OCA2: variants seen among roughly 807,000 people sequenced by gnomAD.
OCA2 encodes P protein.
Under a neutral mutation model 100.2 loss-of-function variants are expected in OCA2, and 77 were observed. The observed-to-expected ratio is 0.77, with a 90% CI of 0.64 to 0.93. The LOEUF is 0.93. Among genes scored for constraint, OCA2 ranks in the 40% least tolerant of loss-of-function variants. The pLI is 0.00. For missense variants in OCA2, 1,062 were observed against 1,089.1 expected (o/e 0.98, Z 0.35); for synonymous variants, 432 against 439.2 (o/e 0.98, Z 0.21).
chr15:27,983,589 G>GCA (rs376447821), intron 13 of OCA2, 106 bp from the exon 14 acceptor site: 413 of 1,126,658 alleles, frequency 3.7e-4, no homozygotes, highest in Middle Eastern at 2.9e-3. Flanking sequence ...AGGGAGGCGC[G>GCA]CACACACACA....
the OCA2 span, among the ~76,000 whole-genome samples, chr15:27,724,496 A>G: frequency 6.6e-6 from 1 of 152,084 alleles, no homozygotes; most frequent in Non-Finnish European, 1.5e-5. Flanking sequence ...CCCTATCTCC[A>G]AATACTGTCC....
rs4778241 is a variant in OCA2, at chr15:28,093,567, A to C, written c.-22+5657T>G. ...TTTGACAGTTTTTAAAAAAAAACTA[A>C]AATTGCAACTACCAGCCAACAATTG... On this transcript the variant is annotated intron_variant, in intron 1 of 23. Coordinates refer to ENST00000354638, the MANE Select transcript of OCA2 (RefSeq NM_000275.3). 0.68 allele frequency among the ~76,000 whole-genome samples: 103,100 copies of C among 151,978 alleles called. 37,383 individuals carry two copies. Among genetic ancestry groups the C allele is most frequent in the Non-Finnish European group, 0.83 (56,129 of 67,978 alleles).
At chr15:28,034,627 T>A (rs2042995958) in intron 2 of OCA2, among the ~76,000 whole-genome samples, 1 of 151,992 alleles carries the variant, frequency 6.6e-6, no homozygotes, top group African/African-American at 2.4e-5. Flanking sequence ...ATTCAAAAAT[T>A]AGCCGGGTGT....
chr15:27,774,059 A>G (rs751965804), intron 23 of OCA2, among the ~76,000 whole-genome samples: 1 of 152,140 alleles, frequency 6.6e-6, no homozygotes, highest in African/African-American at 2.4e-5. Flanking sequence ...ATTTTCTTCA[A>G]CTATGTTTTG....
At chr15:27,943,713 A>G (rs1404257149) in intron 18 of OCA2, among the ~76,000 whole-genome samples, 2 of 150,114 alleles carry the variant, frequency 1.3e-5, no homozygotes, top group Admixed American at 6.6e-5. Context: ...GCAACCCCAT[A>G]TCTTAACCCA....
At chr15:27,734,709 C>A in the OCA2 span, among the ~76,000 whole-genome samples, 6 of 152,222 alleles carry the variant, frequency 3.9e-5, no homozygotes, top group African/African-American at 1.4e-4. Flanking sequence ...CCATTGCAGC[C>A]TTAGGCTTCC....
chr15:27,965,373 CA>C, intron 15 of OCA2, among the ~76,000 whole-genome samples: 1 of 152,314 alleles, frequency 6.6e-6, no homozygotes, highest in Non-Finnish European at 1.5e-5. Context: ...GTCCAGCCCC[CA>C]GGTAAGATGA....
At chr15:27,869,706 G>A (rs560286660) in intron 21 of OCA2, among the ~76,000 whole-genome samples, 3 of 152,160 alleles carry the variant, frequency 2.0e-5, no homozygotes, top group Admixed American at 6.5e-5. Context: ...AGGCTGTGTC[G>A]GGGTCCTGCG....
chr15:28,050,992 CT>C (rs2141562946), intron 2 of OCA2, among the ~76,000 whole-genome samples: 1 of 152,294 alleles, frequency 6.6e-6, no homozygotes, highest in Non-Finnish European at 1.5e-5. Flanking sequence ...CGGAGCTGGG[CT>C]GCATGTGTGG....
chr15:27,972,848 ATT>A (rs1567177123), intron 14 of OCA2, among the ~76,000 whole-genome samples: 2 of 45,308 alleles, frequency 4.4e-5, no homozygotes, highest in Non-Finnish European at 3.0e-4. Flanking sequence ...ATTTTATTTT[ATT>A]TTATTTTATT....
intron 14 of OCA2, among the ~76,000 whole-genome samples, chr15:27,975,511 C>T (rs542692411): frequency 6.6e-6 from 1 of 152,290 alleles, no homozygotes; most frequent in East Asian, 1.9e-4. Flanking sequence ...TATGAATATA[C>T]ATTTGTTCCA....
At chr15:28,082,398 GC>G (rs1263377410) in intron 1 of OCA2, among the ~76,000 whole-genome samples, 1 of 152,162 alleles carries the variant, frequency 6.6e-6, no homozygotes, top group Admixed American at 6.5e-5. Context: ...ACCTTTAAGA[GC>G]TGTAACACTC....
intron 21 of OCA2, among the ~76,000 whole-genome samples, chr15:27,868,339 A>G (rs1186555654): frequency 6.6e-6 from 1 of 152,226 alleles, no homozygotes; most frequent in Non-Finnish European, 1.5e-5. Context: ...ATGTGGATAA[A>G]GAAAATGTGG....
chr15:27,967,976 A>T (rs1431680809), intron 14 of OCA2, among the ~76,000 whole-genome samples: 1 of 151,808 alleles, frequency 6.6e-6, no homozygotes, highest in Non-Finnish European at 1.5e-5. Flanking sequence ...ATAAGTCAGC[A>T]GCGTCATTGG....
intron 1 of OCA2, among the ~76,000 whole-genome samples, chr15:28,096,676 G>A (rs2044990034): frequency 6.6e-6 from 1 of 152,192 alleles, no homozygotes; most frequent in Admixed American, 6.5e-5. Context: ...ATGTGAACTT[G>A]GTTAAAAGCT....
At chr15:27,909,808 T>C (rs1595623326) in intron 19 of OCA2, among the ~76,000 whole-genome samples, 1 of 152,316 alleles carries the variant, frequency 6.6e-6, no homozygotes, top group East Asian at 1.9e-4. Context: ...TAATGGGTGA[T>C]TTTCTATTTA....
At chr15:27,902,772 G>A (rs1264867440) in intron 19 of OCA2, among the ~76,000 whole-genome samples, 3 of 152,220 alleles carry the variant, frequency 2.0e-5, no homozygotes, top group Non-Finnish European at 4.4e-5. Context: ...ACAGGGAGAT[G>A]CACCATACGC....
intron 23 of OCA2, among the ~76,000 whole-genome samples, chr15:27,786,917 T>A (rs1402328331): frequency 6.6e-6 from 1 of 152,176 alleles, no homozygotes; most frequent in Non-Finnish European, 1.5e-5. Context: ...AGCTTCAGAA[T>A]CTTTTGTAGA....
chr15:27,973,866 T>G (rs2040881964), intron 14 of OCA2, among the ~76,000 whole-genome samples: 2 of 152,210 alleles, frequency 1.3e-5, no homozygotes, highest in African/African-American at 4.8e-5. Flanking sequence ...CTTTCAGCAG[T>G]GTTTTGTAGC....
Sources: allele counts gnomAD v4.1 joint callset (sites outside exome capture counted in the v4.1 genomes callset), GRCh38; gene constraint gnomAD v4.1.1; transcripts MANE v1.5; gene names NCBI Gene and HGNC (gene_info 2026-07-23, HGNC 2026-07-21).